GPC5: variants seen among roughly 807,000 people sequenced by gnomAD.
GPC5 encodes the protein glypican-5.
A neutral mutation model predicts 53.9 loss-of-function variants in GPC5; 47 were observed. The ratio of observed to expected loss-of-function variants is 0.87; its 90% CI spans 0.69 to 1.11. The LOEUF (loss-of-function observed/expected upper bound fraction) is 1.11. Ranked by LOEUF, GPC5 falls within the 50% of genes most tolerant of loss-of-function variation. GPC5 has a pLI of 0.00. For missense variants in GPC5, 748 were observed against 713.1 expected, an observed-to-expected ratio of 1.05 and a Z score of -0.56; for synonymous variants, 286 against 263.3, an observed-to-expected ratio of 1.09 and a Z score of -0.84.
chr13:92,740,894 ATT>A (rs201845828), intron 7 of GPC5, among the ~76,000 whole-genome samples: 4,385 of 33,388 alleles, frequency 0.13, 89 homozygotes, highest in South Asian at 0.26. Context: ...ATATTTATTT[ATT>A]TATATATATA....
intron 1 of GPC5, among the ~76,000 whole-genome samples, chr13:91,416,628 G>A (rs1276035072): frequency 2.0e-5 from 3 of 151,832 alleles, no homozygotes; most frequent in Admixed American, 6.6e-5. Flanking sequence ...CCCCTGACAG[G>A]CCCTGGTGTG....
chr13:92,365,298 A>T (rs918284545), intron 7 of GPC5, among the ~76,000 whole-genome samples: 1 of 151,792 alleles, frequency 6.6e-6, no homozygotes, highest in Non-Finnish European at 1.5e-5. Flanking sequence ...AAACATAGTT[A>T]AACATAGAAA....
intron 2 of GPC5, among the ~76,000 whole-genome samples, chr13:91,595,494 A>G (rs2032961376): frequency 6.6e-6 from 1 of 152,150 alleles, no homozygotes; most frequent in African/African-American, 2.4e-5. Flanking sequence ...TTATTCAGAC[A>G]TATGTTTTAA....
chr13:92,397,398 G>A (rs1030246482), intron 7 of GPC5, among the ~76,000 whole-genome samples: 13 of 152,130 alleles, frequency 8.5e-5, no homozygotes, highest in Non-Finnish European at 1.6e-4. Context: ...TGGAAGATAC[G>A]CCTTTCATCT....
chr13:91,517,442 A>C (rs1885563905), intron 2 of GPC5, among the ~76,000 whole-genome samples: 1 of 152,014 alleles, frequency 6.6e-6, no homozygotes, highest in Non-Finnish European at 1.5e-5. Context: ...GTTCCCAAAA[A>C]CTTCCTCATC....
intron 7 of GPC5, among the ~76,000 whole-genome samples, chr13:92,275,554 A>T (rs577169087): frequency 6.6e-6 from 1 of 152,236 alleles, no homozygotes; most frequent in African/African-American, 2.4e-5. Context: ...ATAATAAAAT[A>T]AAACACAATT....
At chr13:92,475,203 A>G (rs9561065) in intron 7 of GPC5, among the ~76,000 whole-genome samples, 43,294 of 149,912 alleles carry the variant, frequency 0.29, 6,658 homozygotes, top group East Asian at 0.42. Flanking sequence ...TTGGTTCCAT[A>G]TGAACTTTAA....
chr13:92,317,591 T>C (rs1874003390), intron 7 of GPC5, among the ~76,000 whole-genome samples: 1 of 152,170 alleles, frequency 6.6e-6, no homozygotes, highest in African/African-American at 2.4e-5. Context: ...CCTCCTGGGT[T>C]CAAGTGATAC....
chr13:91,502,564 A>T (rs138025752), intron 2 of GPC5, among the ~76,000 whole-genome samples: 2 of 152,298 alleles, frequency 1.3e-5, no homozygotes, highest in East Asian at 3.9e-4. Context: ...GGGCAGGGTT[A>T]GAAAATCAGA....
At chr13:92,206,167 ATT>A (rs1333690683) in intron 7 of GPC5, among the ~76,000 whole-genome samples, 1 of 27,982 alleles carries the variant, frequency 3.6e-5, no homozygotes, top group Non-Finnish European at 9.0e-5. Context: ...TTTTTTTTTT[ATT>A]TTTTTTTTTT....
Position 92,146,638 on chromosome 13 carries a change from T to C in GPC5, c.1561+1649T>C, listed in dbSNP as rs536799282. Among the ~76,000 whole-genome samples, 3 of 152,248 alleles carry C rather than the reference T, an allele frequency of 2.0e-5. No homozygotes were observed. In the South Asian group the frequency reaches 6.2e-4, roughly 32 times the overall value. On this transcript the variant is annotated intron_variant, in intron 7 of 7. Coordinates refer to ENST00000377067, the MANE Select transcript of GPC5 (RefSeq NM_004466.6). Reference sequence around the variant, plus strand: ...TGAGCAGTATACATCGTACTCAATTTGTAGTCTTTTTTCTGTCACCCTCCT... The same window carrying C: ...TGAGCAGTATACATCGTACTCAATTCGTAGTCTTTTTTCTGTCACCCTCCT...
intron 1 of GPC5, among the ~76,000 whole-genome samples, chr13:91,425,609 C>T (rs930456284): frequency 3.3e-5 from 5 of 152,204 alleles, no homozygotes; most frequent in Admixed American, 3.3e-4. Flanking sequence ...CCTGAGGCCT[C>T]CCCAGCCATG....
chr13:92,505,006 T>C (rs1880318340), intron 7 of GPC5, among the ~76,000 whole-genome samples: 1 of 151,424 alleles, frequency 6.6e-6, no homozygotes, highest in Non-Finnish European at 1.5e-5. Flanking sequence ...TAAATAGGAC[T>C]ACATCAAAAT....
At chr13:92,310,086 T>TC (rs113476770) in intron 7 of GPC5, among the ~76,000 whole-genome samples, 3,436 of 152,180 alleles carry the variant, frequency 0.023, 142 homozygotes, top group African/African-American at 0.079. Context: ...AGGATTCCCT[T>TC]CTTTTTTAAG....
intron 6 of GPC5, among the ~76,000 whole-genome samples, chr13:91,981,048 G>A (rs555870036): frequency 1.8e-4 from 27 of 152,240 alleles, no homozygotes; most frequent in African/African-American, 6.5e-4. Flanking sequence ...ATTATGAATC[G>A]TGCTGCTAAG....
At chr13:91,820,201 G>A (rs563880895) in intron 5 of GPC5, among the ~76,000 whole-genome samples, 7 of 151,848 alleles carry the variant, frequency 4.6e-5, no homozygotes, top group East Asian at 1.9e-4. Flanking sequence ...TACCATTTTC[G>A]TGGTGTCTGT....
chr13:92,541,578 T>A (rs1337192665), intron 7 of GPC5, among the ~76,000 whole-genome samples: 1 of 151,750 alleles, frequency 6.6e-6, no homozygotes, highest in African/African-American at 2.4e-5. Context: ...AATAGCTTTT[T>A]TTTGCTGTGT....
intron 7 of GPC5, among the ~76,000 whole-genome samples, chr13:92,288,279 T>A (rs942841221): frequency 7.9e-5 from 12 of 152,176 alleles, no homozygotes; most frequent in African/African-American, 2.9e-4. Context: ...TCCTCTTGAT[T>A]TCTTTTATTT....
chr13:92,028,996 C>T (rs952185164), intron 6 of GPC5, among the ~76,000 whole-genome samples: 1 of 152,180 alleles, frequency 6.6e-6, no homozygotes. Context: ...TAGTACAACA[C>T]TTCATTAAAA....
Sources: allele counts gnomAD v4.1 joint callset (sites outside exome capture counted in the v4.1 genomes callset), GRCh38; gene constraint gnomAD v4.1.1; transcripts MANE v1.5; gene names NCBI Gene and HGNC (gene_info 2026-07-23, HGNC 2026-07-21).